Variants in DAB1 observed in about 807,000 individuals in gnomAD.
The protein encoded by DAB1 is disabled homolog 1.
In DAB1, 15 loss-of-function variants were observed where a neutral mutation model predicts 64.6. That is an observed-to-expected ratio of 0.23 (90% confidence interval 0.16 to 0.36). The LOEUF (loss-of-function observed/expected upper bound fraction) is 0.36. DAB1 is among the 10% of genes least tolerant of loss of function. DAB1 has a pLI of 1.00. For synonymous variants in DAB1, 235 were observed against 251.9 expected, an observed-to-expected ratio of 0.93 and a Z score of 0.64; for missense variants, 596 against 706.7, an observed-to-expected ratio of 0.84 and a Z score of 1.78.
rs918739588 is a variant in DAB1 at position 56,995,873 on chromosome 1, G to C, written c.*2271C>G. On this transcript the variant is annotated 3_prime_UTR_variant, in exon 15 of 15. Coordinates refer to ENST00000371236, the MANE Select transcript of DAB1 (RefSeq NM_001365792.1). ...TCCCATCTTCCCGTTCATGTGAAAG[G>C]GTTACCTAATCATAAAATGTTTGCT... The C allele has an allele frequency of 5.9e-5, 9 of 152,132 alleles. No homozygotes were observed. The highest frequency in any genetic ancestry group is 2.1e-4 in the South Asian group (1 of 4,830). 9.4% of individuals were successfully genotyped at this position (152,132 alleles called of 1,614,324 possible).
intron 3 of DAB1, among the ~76,000 whole-genome samples, chr1:58,358,915 C>A (rs1433900377): frequency 1.7e-5 from 2 of 117,730 alleles, no homozygotes; most frequent in African/African-American, 6.5e-5. Flanking sequence ...GTCTCTCTCC[C>A]CCCCTTCCTT....
At chr1:57,925,590 G>A (rs1644867676) in intron 5 of DAB1, among the ~76,000 whole-genome samples, 1 of 152,158 alleles carries the variant, frequency 6.6e-6, no homozygotes, top group Non-Finnish European at 1.5e-5. Context: ...GAAAATACAA[G>A]TTCTCTTCAT....
At chr1:57,395,090 T>A (rs1259564436) in intron 1 of DAB1, among the ~76,000 whole-genome samples, 1 of 152,178 alleles carries the variant, frequency 6.6e-6, no homozygotes, top group East Asian at 1.9e-4. Flanking sequence ...ACTGGCGAGA[T>A]CTCGGCTCAC....
At chr1:57,254,646 C>T (rs1669619758) in intron 2 of DAB1, among the ~76,000 whole-genome samples, 1 of 152,156 alleles carries the variant, frequency 6.6e-6, no homozygotes, top group Non-Finnish European at 1.5e-5. Context: ...ACACTCCACT[C>T]ATCATGTTGG....
chr1:57,930,234 C>T (rs2102035486), intron 5 of DAB1, among the ~76,000 whole-genome samples: 2 of 152,248 alleles, frequency 1.3e-5, no homozygotes, highest in Middle Eastern at 6.8e-3. Flanking sequence ...CTATTCTGTT[C>T]CATTGATCTG....
chr1:57,648,303 C>T (rs954887720), intron 7 of DAB1, among the ~76,000 whole-genome samples: 1 of 152,076 alleles, frequency 6.6e-6, no homozygotes, highest in Admixed American at 6.6e-5. Flanking sequence ...AAGGAGGAGG[C>T]GAGTGTCCCC....
intron 3 of DAB1, among the ~76,000 whole-genome samples, chr1:58,374,211 T>C (rs2100539264): frequency 7.7e-6 from 1 of 129,968 alleles, no homozygotes; most frequent in East Asian, 2.1e-4. Context: ...ATTTTGGCTT[T>C]TGTTGCCATT....
At chr1:57,602,487 A>G (rs939882041) in intron 7 of DAB1, among the ~76,000 whole-genome samples, 4 of 152,124 alleles carry the variant, frequency 2.6e-5, no homozygotes, top group African/African-American at 7.2e-5. Flanking sequence ...TGCTTGGAAA[A>G]ATGTTTCTTG....
At chr1:58,043,642 G>C (rs1260221028) in intron 5 of DAB1, among the ~76,000 whole-genome samples, 2 of 152,124 alleles carry the variant, frequency 1.3e-5, no homozygotes, top group Non-Finnish European at 2.9e-5. Context: ...TTAATGTCTG[G>C]ATTTTCTTTT....
chr1:58,085,240 GT>G (rs1650232367), intron 5 of DAB1, among the ~76,000 whole-genome samples: 3 of 152,308 alleles, frequency 2.0e-5, no homozygotes, highest in Admixed American at 2.0e-4. Flanking sequence ...GGATCCTTTA[GT>G]TTAGAAGCTC....
chr1:57,743,250 A>G (rs1465727742), intron 6 of DAB1, among the ~76,000 whole-genome samples: 1 of 152,182 alleles, frequency 6.6e-6, no homozygotes, highest in African/African-American at 2.4e-5. Flanking sequence ...TTAACTGATG[A>G]CATTCCACCA....
intron 3 of DAB1, among the ~76,000 whole-genome samples, chr1:58,438,956 G>A (rs1266958782): frequency 6.6e-6 from 1 of 152,096 alleles, no homozygotes; most frequent in East Asian, 1.9e-4. Context: ...GTCACTATGG[G>A]CGAGGCAGTG....
intron 7 of DAB1, among the ~76,000 whole-genome samples, chr1:57,529,038 C>T (rs188613285): frequency 2.0e-5 from 3 of 152,072 alleles, no homozygotes; most frequent in African/African-American, 7.2e-5. Flanking sequence ...GGGTATATAA[C>T]ACATGTAGAA....
At chr1:57,087,674 G>A (rs1340354304) in intron 4 of DAB1, among the ~76,000 whole-genome samples, 1 of 152,182 alleles carries the variant, frequency 6.6e-6, no homozygotes, top group Non-Finnish European at 1.5e-5. Context: ...TTTCAGGGTT[G>A]AGCCACTGAA....
intron 6 of DAB1, among the ~76,000 whole-genome samples, chr1:57,694,438 T>C (rs1467729880): frequency 2.0e-5 from 3 of 151,638 alleles, no homozygotes; most frequent in Non-Finnish European, 4.4e-5. Context: ...ATGGAAAAAA[T>C]CCTCACTGGT....
rs140052355 is a variant in DAB1, at chr1:58,035,917, T to C, written n.387+114594A>G. Reference sequence around the variant, plus strand: ...GAAGGGCTGCTTACAGATAGACCTTTGGTTCTTTGACTTCAAATTGTGTCT... The same window carrying C: ...GAAGGGCTGCTTACAGATAGACCTTCGGTTCTTTGACTTCAAATTGTGTCT... On this transcript the variant is annotated intron_variant and non_coding_transcript_variant, in intron 5 of 20. Coordinates refer to the DAB1 transcript ENST00000485760. 3.3e-4 allele frequency among the ~76,000 whole-genome samples: 50 copies of C among 152,348 alleles called. No individual in the cohort carries two copies. The East Asian group carries it at 9.3e-3, about 28-fold the overall frequency.
At chr1:57,641,385 T>TTTTTG (rs1437141489) in intron 7 of DAB1, among the ~76,000 whole-genome samples, 1 of 138,474 alleles carries the variant, frequency 7.2e-6, no homozygotes, top group African/African-American at 2.7e-5. Flanking sequence ...GTTGGTTTTT[T>TTTTTG]TTTTTTTTTT....
intron 3 of DAB1, among the ~76,000 whole-genome samples, chr1:58,453,270 G>A (rs1254256106): frequency 6.6e-6 from 1 of 152,148 alleles, no homozygotes; most frequent in Non-Finnish European, 1.5e-5. Flanking sequence ...GGAGTTTTGG[G>A]GGTGACAGGC....
At chr1:58,248,660 C>T (rs149916415) in intron 4 of DAB1, among the ~76,000 whole-genome samples, 2 of 152,266 alleles carry the variant, frequency 1.3e-5, no homozygotes, top group Middle Eastern at 3.4e-3. Flanking sequence ...CACTACATGT[C>T]CCCTGCAAGA....
Sources: gnomAD v4.1 joint callset for allele counts (sites outside exome capture counted in the v4.1 genomes callset) on GRCh38, gnomAD v4.1.1 for gene constraint, MANE v1.5 for transcripts, NCBI Gene and HGNC (gene_info 2026-07-23, HGNC 2026-07-21) for gene names.